Variants in TMEM232 observed in about 807,000 individuals in gnomAD.
The protein encoded by TMEM232 is transmembrane protein 232.
A neutral mutation model predicts 78.8 loss-of-function variants in TMEM232; 80 were observed. The observed-to-expected ratio is 1.01, with a 90% CI of 0.85 to 1.22. The LOEUF is 1.22. Among genes scored for constraint, TMEM232 ranks in the 50% most tolerant of loss-of-function variants. The pLI is 0.00. For synonymous variants in TMEM232, 297 were observed against 254.3 expected (o/e 1.17, Z -1.60); for missense variants, 881 against 742.2 (o/e 1.19, Z -2.17).
chr5:110,457,699 A>G lies in TMEM232; in HGVS notation c.1704-32783T>C, dbSNP rs570561095. 2.0e-5 allele frequency among the ~76,000 whole-genome samples: 3 copies of G among 152,220 alleles called. No individual in the cohort carries two copies. The South Asian group carries it at 6.2e-4, about 32-fold the overall frequency. ...AATTGCATTATTACCAATATGTACA[A>G]AAACATATTGGATGAATCTCAGATG... On this transcript the variant is annotated intron_variant, in intron 12 of 13. Coordinates refer to ENST00000455884, the MANE Select transcript of TMEM232 (RefSeq NM_001039763.4).
At chr5:110,567,255 GTTATTTTTAATAATAAAATTATTT>G (rs1776446101) in intron 11 of TMEM232, among the ~76,000 whole-genome samples, 1 of 151,080 alleles carries the variant, frequency 6.6e-6, no homozygotes. Flanking sequence ...CTTTAATTTT[GTTATTTTTAATAATAAAATTATTT>G]TTATTTTTAT....
chr5:110,510,005 G>A (rs1282150606), intron 12 of TMEM232, among the ~76,000 whole-genome samples: 1 of 151,842 alleles, frequency 6.6e-6, no homozygotes, highest in South Asian at 2.1e-4. Flanking sequence ...CTAAGGCTTG[G>A]TTTGTTTTTT....
At chr5:110,704,490 AT>A (rs1235405474) in intron 1 of TMEM232, among the ~76,000 whole-genome samples, 1 of 152,038 alleles carries the variant, frequency 6.6e-6, no homozygotes, top group Admixed American at 6.6e-5. Flanking sequence ...ACTCATGTCA[AT>A]TTTTTTAACA....
chr5:110,495,741 C>A (rs560099879), intron 12 of TMEM232, among the ~76,000 whole-genome samples: 2 of 151,376 alleles, frequency 1.3e-5, no homozygotes, highest in Admixed American at 6.6e-5. Flanking sequence ...TGAAAATAAA[C>A]AAAATGAATG....
At chr5:110,552,045 A>G (rs1581185109) in intron 11 of TMEM232, among the ~76,000 whole-genome samples, 1 of 152,148 alleles carries the variant, frequency 6.6e-6, no homozygotes, top group Non-Finnish European at 1.5e-5. Flanking sequence ...AAATACAGAA[A>G]GAAATGAAGA....
chr5:110,544,461 C>G (rs1216840025), intron 11 of TMEM232, among the ~76,000 whole-genome samples: 3 of 140,874 alleles, frequency 2.1e-5, no homozygotes, highest in Non-Finnish European at 1.5e-5. Context: ...AAAAAAAAAG[C>G]CTTTACAAAG....
At chr5:110,626,322 G>A (rs1247324305) in intron 6 of TMEM232, among the ~76,000 whole-genome samples, 2 of 151,944 alleles carry the variant, frequency 1.3e-5, no homozygotes, top group Non-Finnish European at 2.9e-5. Flanking sequence ...AACACTGTGA[G>A]GAGTTAAGAA....
intron 8 of TMEM232, among the ~76,000 whole-genome samples, chr5:110,615,449 A>T (rs1211019533): frequency 6.6e-6 from 1 of 152,012 alleles, no homozygotes; most frequent in African/African-American, 2.4e-5. Flanking sequence ...ATTGGAAAAG[A>T]GTGCTCTCTG....
At chr5:110,468,335 C>G (rs1416597299) in intron 12 of TMEM232, among the ~76,000 whole-genome samples, 1 of 151,860 alleles carries the variant, frequency 6.6e-6, no homozygotes, top group African/African-American at 2.4e-5. Flanking sequence ...GAATTTATTA[C>G]TAGCAGACCT....
At chr5:110,524,966 T>G (rs1037517690) in intron 12 of TMEM232, among the ~76,000 whole-genome samples, 2 of 152,118 alleles carry the variant, frequency 1.3e-5, no homozygotes, top group African/African-American at 2.4e-5. Context: ...ACACCTGCTC[T>G]CCTTTGGTTA....
At position 110,610,808 on chromosome 5, in the gene TMEM232, GA is replaced by G. The variant is rs201213795; in HGVS notation, c.903-4522del. Among the ~76,000 whole-genome samples the G allele has an allele frequency of 9.7e-3, 1,481 of 152,182 alleles. 34 individuals carry two copies. The highest frequency in any genetic ancestry group is 0.033 in the African/African-American group (1,384 of 41,530). On this transcript the variant is annotated intron_variant, in intron 8 of 13. Transcript: ENST00000455884. ...ACAAAAAATAAACACTGTTATCATA[GA>G]AGTCTATTACCAGATAAAATGTACA...
intron 2 of TMEM232, among the ~76,000 whole-genome samples, chr5:110,648,786 G>C (rs1371365790): frequency 6.6e-6 from 1 of 152,066 alleles, no homozygotes; most frequent in African/African-American, 2.4e-5. Context: ...CTAAACGCAT[G>C]TTCTTTGCAG....
chr5:110,583,031 T>TG (rs1244622439), intron 10 of TMEM232, among the ~76,000 whole-genome samples: 1 of 151,942 alleles, frequency 6.6e-6, no homozygotes, highest in Non-Finnish European at 1.5e-5. Context: ...AAGACATCCT[T>TG]TGTTCCTAGA....
intron 12 of TMEM232, among the ~76,000 whole-genome samples, chr5:110,434,518 G>A (rs1380829526): frequency 6.6e-6 from 1 of 151,544 alleles, no homozygotes; most frequent in Non-Finnish European, 1.5e-5. Flanking sequence ...TTACAGCCAA[G>A]TTCTACCAGA....
chr5:110,484,768 T>C (rs956511208), intron 12 of TMEM232, among the ~76,000 whole-genome samples: 2 of 152,068 alleles, frequency 1.3e-5, no homozygotes, highest in African/African-American at 4.8e-5. Flanking sequence ...AAGTGTTATA[T>C]ATTCTCATAA....
In TMEM232 at chr5:110,568,434, T is replaced by C. The variant is rs1346170236; in HGVS notation, c.1455+13A>G. The stretch of plus-strand genomic sequence containing the variant: ...ATAGATGTACATATTTATTGCCCAG[T>C]GTTTTACCTTACCTGAGCTATATTG... On this transcript the variant is annotated intron_variant, in intron 11 of 13. Coordinates refer to ENST00000455884, the MANE Select transcript of TMEM232 (RefSeq NM_001039763.4). The C allele has an allele frequency of 6.6e-7, 1 of 1,524,058 alleles. No homozygotes were observed. Among genetic ancestry groups the C allele is most frequent in the South Asian group, 1.3e-5 (1 of 79,578 alleles). 94.4% of individuals were successfully genotyped at this position (1,524,058 alleles called of 1,614,324 possible).
chr5:110,669,177 C>T (rs2150137390), intron 1 of TMEM232, among the ~76,000 whole-genome samples: 1 of 152,084 alleles, frequency 6.6e-6, no homozygotes, highest in Middle Eastern at 3.4e-3. Context: ...TCAAAAAAAT[C>T]AATGAATCCA....
chr5:110,726,836 T>G (rs183845970), upstream of TMEM232: 1 of 152,250 alleles, frequency 6.6e-6, no homozygotes, highest in African/African-American at 2.4e-5. Context: ...AAGACCTTTA[T>G]TCGTTTTTAA....
intron 11 of TMEM232, among the ~76,000 whole-genome samples, chr5:110,537,613 G>A (rs1468522567): frequency 6.6e-6 from 1 of 152,134 alleles, no homozygotes; most frequent in African/African-American, 2.4e-5. Flanking sequence ...CTTGCCAAGT[G>A]CTCTTGAGGC....
Sources: gnomAD v4.1 joint callset for allele counts (sites outside exome capture counted in the v4.1 genomes callset) on GRCh38, gnomAD v4.1.1 for gene constraint, MANE v1.5 for transcripts, NCBI Gene and HGNC (gene_info 2026-07-23, HGNC 2026-07-21) for gene names.